Variants in RBMS1 observed in about 807,000 individuals in gnomAD.
RBMS1 encodes the protein RNA binding motif single stranded interacting protein 1.
Under a neutral mutation model 62.3 loss-of-function variants are expected in RBMS1, and 17 were observed. The observed-to-expected ratio is 0.27, with a 90% confidence interval of 0.19 to 0.41. The LOEUF is 0.41. Among genes scored for constraint, RBMS1 ranks in the 10% least tolerant of loss-of-function variants. The pLI, the probability that RBMS1 is intolerant of heterozygous loss-of-function variation, is 1.00. For missense variants in RBMS1, 334 were observed against 504.5 expected (o/e 0.66, Z 3.24); for synonymous variants, 172 against 170.0 (o/e 1.01, Z -0.09).
At chr2:160,392,706 A>G (rs1300378146) in intron 1 of RBMS1, among the ~76,000 whole-genome samples, 1 of 152,214 alleles carries the variant, frequency 6.6e-6, no homozygotes, top group Non-Finnish European at 1.5e-5. Context: ...ACTCTGGGCA[A>G]CATAGTGAGA....
intron 1 of RBMS1, among the ~76,000 whole-genome samples, chr2:160,383,440 G>A (rs115307541): frequency 0.025 from 2,165 of 86,210 alleles, 85 homozygotes; most frequent in African/African-American, 0.08. Flanking sequence ...TGGGGTTCTG[G>A]TTAGACATGA....
chr2:160,296,247 G>A (rs1688928081), intron 6 of RBMS1, among the ~76,000 whole-genome samples: 1 of 151,990 alleles, frequency 6.6e-6, no homozygotes, highest in African/African-American at 2.4e-5. Flanking sequence ...AACAAAAAAA[G>A]GAATCTCTTC....
chr2:160,370,324 G>A (rs1453482732), intron 1 of RBMS1, among the ~76,000 whole-genome samples: 1 of 152,190 alleles, frequency 6.6e-6, no homozygotes, highest in Non-Finnish European at 1.5e-5. Context: ...TTAAACCCAA[G>A]ATTACGTTTT....
intron 2 of RBMS1, among the ~76,000 whole-genome samples, chr2:160,335,394 T>C (rs1368447867): frequency 1.3e-5 from 2 of 152,116 alleles, no homozygotes; most frequent in Non-Finnish European, 2.9e-5. Context: ...TGTTACACCA[T>C]GCAGCAAACC....
chr2:160,379,380 T>C (rs966914041), intron 1 of RBMS1, among the ~76,000 whole-genome samples: 3 of 152,218 alleles, frequency 2.0e-5, no homozygotes, highest in Non-Finnish European at 2.9e-5. Flanking sequence ...ATATTTGGAC[T>C]GAGTATCTAC....
chr2:160,283,459 C>T (rs1280495165), intron 9 of RBMS1: 3 of 152,024 alleles, frequency 2.0e-5, no homozygotes, highest in African/African-American at 7.2e-5. Context: ...GAATAAGTAA[C>T]ATAAGAACCC....
intron 13 of RBMS1, 81 bp downstream of exon 13, chr2:160,275,549 A>G (rs539005052): frequency 1.3e-6 from 2 of 1,540,006 alleles, no homozygotes; most frequent in East Asian, 2.3e-5. Context: ...AGTTATCCCA[A>G]TCACCATTCT....
chr2:160,454,669 G>A (rs1448763003), intron 1 of RBMS1, among the ~76,000 whole-genome samples: 1 of 152,216 alleles, frequency 6.6e-6, no homozygotes, highest in Non-Finnish European at 1.5e-5. Flanking sequence ...AAGAAGAGGA[G>A]TGGCGAGCCA....
chr2:160,354,860 A>G (rs1692709128), intron 2 of RBMS1, among the ~76,000 whole-genome samples: 1 of 152,176 alleles, frequency 6.6e-6, no homozygotes, highest in African/African-American at 2.4e-5. Context: ...ATAGACAGGC[A>G]AGAGGAGAGA....
At chr2:160,279,831 G>A (rs1316953546) in intron 10 of RBMS1, 2 of 152,140 alleles carry the variant, frequency 1.3e-5, no homozygotes, top group African/African-American at 2.4e-5. Flanking sequence ...AAAGCTGGGT[G>A]GGGAAAGGTA....
chr2:160,318,645 A>G (rs551103003), intron 2 of RBMS1, among the ~76,000 whole-genome samples: 6 of 152,380 alleles, frequency 3.9e-5, no homozygotes, highest in African/African-American at 9.6e-5. Flanking sequence ...TTTATGAAAT[A>G]GTAACAGCGG....
chr2:160,404,858 A>G (rs1695614746), intron 1 of RBMS1, among the ~76,000 whole-genome samples: 1 of 152,214 alleles, frequency 6.6e-6, no homozygotes, highest in African/African-American at 2.4e-5. Context: ...TTCTGAGATT[A>G]GAAGGGTGAT....
At chr2:160,460,823 TGTGAGAAACATCC>T (rs1199901980) in intron 1 of RBMS1, among the ~76,000 whole-genome samples, 2 of 152,268 alleles carry the variant, frequency 1.3e-5, no homozygotes, top group African/African-American at 4.8e-5. Context: ...CCCTAAGCTC[TGTGAGAAACATCC>T]GTGCCCTCAA....
chr2:160,478,872 T>G (rs1316500667), intron 1 of RBMS1, among the ~76,000 whole-genome samples: 1 of 152,202 alleles, frequency 6.6e-6, no homozygotes, highest in Non-Finnish European at 1.5e-5. Context: ...TCCTGAAGCC[T>G]AATTGTATGA....
chr2:160,318,892 C>CT (rs1367448814), intron 2 of RBMS1, among the ~76,000 whole-genome samples: 1 of 152,094 alleles, frequency 6.6e-6, no homozygotes, highest in Non-Finnish European at 1.5e-5. Context: ...GCACATGTGT[C>CT]TAAGAAACGG....
At chr2:160,456,535 C>T (rs1039158525) in intron 1 of RBMS1, among the ~76,000 whole-genome samples, 1 of 152,174 alleles carries the variant, frequency 6.6e-6, no homozygotes. Context: ...CTTCTAAACA[C>T]AATACCTTGA....
At chr2:160,457,871 T>C (rs968293484) in intron 1 of RBMS1, among the ~76,000 whole-genome samples, 3 of 152,188 alleles carry the variant, frequency 2.0e-5, no homozygotes, top group Admixed American at 6.5e-5. Flanking sequence ...GGCAGATTAT[T>C]GCGTGAGGGC....
At chr2:160,463,868 C>CT (rs1438631500) in intron 1 of RBMS1, among the ~76,000 whole-genome samples, 1 of 152,116 alleles carries the variant, frequency 6.6e-6, no homozygotes, top group East Asian at 1.9e-4. Flanking sequence ...TGGCTGTTCT[C>CT]TTTTTTCATT....
intron 2 of RBMS1, among the ~76,000 whole-genome samples, chr2:160,351,334 A>T (rs1236215893): frequency 2.7e-5 from 4 of 147,692 alleles, no homozygotes; most frequent in African/African-American, 7.6e-5. Context: ...AATAAATAAT[A>T]AAAAAAAAAG....
Sources: allele counts gnomAD v4.1 joint callset (sites outside exome capture counted in the v4.1 genomes callset), GRCh38; gene constraint gnomAD v4.1.1; transcripts MANE v1.5; gene names NCBI Gene and HGNC (gene_info 2026-07-23, HGNC 2026-07-21).